OTC: variants seen among roughly 807,000 people sequenced by gnomAD.
The protein encoded by OTC is ornithine transcarbamylase, mitochondrial.
A neutral mutation model predicts 30.3 loss-of-function variants in OTC; 3 were observed. The observed-to-expected ratio is 0.10, with a 90% CI of 0.05 to 0.26. The LOEUF (loss-of-function observed/expected upper bound fraction) is 0.26, where lower values mean the gene tolerates loss of function less well. Ranked by LOEUF, OTC falls within the 10% of genes least tolerant of loss-of-function variation. The pLI, the probability that OTC is intolerant of heterozygous loss-of-function variation, is 1.00. For synonymous variants in OTC, 111 were observed against 99.7 expected (o/e 1.11, Z -0.67); for missense variants, 194 against 260.3 (o/e 0.75, Z 1.75).
At chrX:38,340,687 C>A in the OTC span, among the ~76,000 whole-genome samples, 1 of 110,387 alleles carries the variant, frequency 9.1e-6, no homozygotes, top group East Asian at 2.8e-4. Context: ...TAATATGGTT[C>A]TTTAAAGTAA....
chrX:38,338,335 G>A, the OTC span, among the ~76,000 whole-genome samples: 2 of 111,910 alleles, frequency 1.8e-5, no homozygotes, highest in African/African-American at 6.5e-5. Flanking sequence ...ACTCTCAATG[G>A]GCATTCCAGG....
In OTC at chrX:38,367,363, A is replaced by G; in HGVS notation, c.150A>G (p.Gly50=). 1 of 1,199,989 alleles carries G rather than the reference A, an allele frequency of 8.3e-7. No individual in the cohort carries two copies. The highest frequency in any genetic ancestry group is 2.2e-5 in the Admixed American group (1 of 45,974). Residue 50 remains glycine (G), a synonymous_variant, in exon 2 of 10, where the codon GGA becomes GGG. Transcript: ENST00000039007. ...RDLLTLKNFT[G]EEIKYMLWLS... The stretch of plus-strand genomic sequence containing the variant: ...TTCTCACTCTAAAAAACTTTACCGG[A>G]GAAGAAATTAAATATATGCTATGGC...
chrX:38,408,688 G>A, intron 6 of OTC, 54 bp from the exon 7 acceptor site: 1 of 824,381 alleles, frequency 1.2e-6, no homozygotes, highest in Non-Finnish European at 1.8e-6. Context: ...ATATATTTAA[G>A]AAAACATGTA....
chrX:38,418,184 A>G (rs1382034369), intron 9 of OTC, among the ~76,000 whole-genome samples: 3 of 111,534 alleles, frequency 2.7e-5, no homozygotes, highest in Non-Finnish European at 5.7e-5. Context: ...AGCCACTCTA[A>G]TAGGTGTGTG....
the OTC span, among the ~76,000 whole-genome samples, chrX:38,329,601 G>A: frequency 2.7e-5 from 3 of 111,834 alleles, no homozygotes; most frequent in Non-Finnish European, 5.6e-5. Context: ...CTGCGTGGCA[G>A]ACGGAAAATT....
intron 6 of OTC, among the ~76,000 whole-genome samples, chrX:38,407,324 A>G (rs2068520033): frequency 8.9e-6 from 1 of 112,434 alleles, no homozygotes; most frequent in African/African-American, 3.2e-5. Flanking sequence ...GGGGGCTGAC[A>G]GCTGAAAGCC....
At chrX:38,329,342 C>A in the OTC span, among the ~76,000 whole-genome samples, 1 of 111,304 alleles carries the variant, frequency 9.0e-6, no homozygotes, top group African/African-American at 3.3e-5. Flanking sequence ...AATTGGTGAG[C>A]AGAAGCCCCA....
At chrX:38,329,737 G>T in the OTC span, among the ~76,000 whole-genome samples, 1 of 111,807 alleles carries the variant, frequency 8.9e-6, no homozygotes, top group African/African-American at 3.3e-5. Flanking sequence ...TGAATAGGGT[G>T]TAACCTTTGT....
upstream of OTC, among the ~76,000 whole-genome samples, chrX:38,352,015 C>G: frequency 8.9e-6 from 1 of 112,230 alleles, no homozygotes; most frequent in Non-Finnish European, 1.9e-5. Flanking sequence ...CCCGCCTCAG[C>G]CTCCCAAAGT....
At chrX:38,328,830 G>T in the OTC span, among the ~76,000 whole-genome samples, 5 of 111,814 alleles carry the variant, frequency 4.5e-5, no homozygotes, top group Non-Finnish European at 9.4e-5. Flanking sequence ...ATGTGGTCAG[G>T]ATGGCTTGGA....
intron 2 of OTC, 37 bp from the exon 3 acceptor site, chrX:38,369,752 TATATAAG>T: frequency 3.0e-6 from 2 of 677,618 alleles, no homozygotes; most frequent in Non-Finnish European, 2.3e-6. Flanking sequence ...ACATAATTTA[TATATAAG>T]ATATATTTTA....
chrX:38,340,104 G>T, the OTC span, among the ~76,000 whole-genome samples: 1 of 112,178 alleles, frequency 8.9e-6, no homozygotes, highest in Non-Finnish European at 1.9e-5. Context: ...TACAGAATGT[G>T]TTGAAAATTG....
the OTC span, among the ~76,000 whole-genome samples, chrX:38,340,797 AT>A: frequency 2.2e-3 from 233 of 105,466 alleles, 1 homozygote; most frequent in Admixed American, 2.9e-3. Flanking sequence ...TCAGTTTCTG[AT>A]TTTTTTTTTC....
chrX:38,419,178 C>A (rs886304467), intron 9 of OTC, among the ~76,000 whole-genome samples: 7 of 111,023 alleles, frequency 6.3e-5, no homozygotes, highest in African/African-American at 2.3e-4. Context: ...GCTTTCCTTA[C>A]TGTTTTGTTG....
At chrX:38,352,419 A>G (rs755166532), upstream of OTC, 29 of 322,915 alleles carry the variant, frequency 9.0e-5, no homozygotes, top group East Asian at 1.7e-3. Context: ...CAGTATAAAT[A>G]TATTATGAAA....
chrX:38,335,431 C>A, the OTC span, among the ~76,000 whole-genome samples: 1 of 112,556 alleles, frequency 8.9e-6, no homozygotes, highest in East Asian at 2.8e-4. Flanking sequence ...AATTTCATTG[C>A]TTCCTACCCA....
At chrX:38,357,729 G>A (rs1017859176) in intron 1 of OTC, among the ~76,000 whole-genome samples, 11 of 112,660 alleles carry the variant, frequency 9.8e-5, no homozygotes, top group African/African-American at 2.9e-4. Flanking sequence ...CCATTTTGTA[G>A]CTAGGAAGAT....
intron 9 of OTC, among the ~76,000 whole-genome samples, chrX:38,415,995 T>C (rs1184854598): frequency 8.9e-6 from 1 of 112,091 alleles, no homozygotes; most frequent in Non-Finnish European, 1.9e-5. Flanking sequence ...ATCGAACACT[T>C]CCATCACTGC....
chrX:38,400,456 T>C (rs2068479991), intron 4 of OTC, among the ~76,000 whole-genome samples: 1 of 111,014 alleles, frequency 9.0e-6, no homozygotes. Context: ...GCAAGAGATT[T>C]ATTGAGGGAA....
Sources: allele counts gnomAD v4.1 joint callset (sites outside exome capture counted in the v4.1 genomes callset), GRCh38; gene constraint gnomAD v4.1.1; transcripts MANE v1.5; gene names NCBI Gene and HGNC (gene_info 2026-07-23, HGNC 2026-07-21).